Variants in CHD6 observed in about 807,000 individuals in gnomAD.
CHD6 encodes chromodomain helicase DNA binding protein 6, also known as ATP-dependent chromatin remodeler CHD6.
A neutral mutation model predicts 276.9 loss-of-function variants in CHD6; 50 were observed. The ratio of observed to expected loss-of-function variants is 0.18; its 90% confidence interval spans 0.14 to 0.23. The LOEUF (loss-of-function observed/expected upper bound fraction) is 0.23. CHD6 is among the 10% of genes least tolerant of loss of function. CHD6 has a pLI of 1.00. For missense variants in CHD6, 2,564 were observed against 3,365.8 expected (o/e 0.76, Z 5.89); for synonymous variants, 1,173 against 1,229.3 (o/e 0.95, Z 0.96).
chr20:41,462,821 C>G (rs1166206737), intron 17 of CHD6, among the ~76,000 whole-genome samples: 1 of 152,178 alleles, frequency 6.6e-6, no homozygotes, highest in Non-Finnish European at 1.5e-5. Context: ...GTCTCTCTTT[C>G]TGTGTGTATT....
chr20:41,435,024 T>C (rs1388824229), intron 27 of CHD6, among the ~76,000 whole-genome samples: 3 of 152,182 alleles, frequency 2.0e-5, no homozygotes, highest in Non-Finnish European at 4.4e-5. Context: ...TAGAATGTGT[T>C]CTCTGATTAT....
chr20:41,558,909 T>G (rs1242475357), intron 1 of CHD6, among the ~76,000 whole-genome samples: 1 of 152,170 alleles, frequency 6.6e-6, no homozygotes, highest in African/African-American at 2.4e-5. Flanking sequence ...ACCAGGTACT[T>G]ATTACTCCCT....
At chr20:41,542,842 C>T (rs890071344) in intron 2 of CHD6, among the ~76,000 whole-genome samples, 11 of 149,938 alleles carry the variant, frequency 7.3e-5, no homozygotes, top group Admixed American at 2.0e-4. Flanking sequence ...CGGTGGCTCA[C>T]GCCTGTAATC....
At chr20:41,444,460 G>A (rs570253765) in intron 25 of CHD6, among the ~76,000 whole-genome samples, 2 of 152,344 alleles carry the variant, frequency 1.3e-5, no homozygotes, top group South Asian at 2.1e-4. Flanking sequence ...CTACCGGACA[G>A]CACCGCTTTA....
At chr20:41,430,716 A>G (rs1016337678) in intron 27 of CHD6, among the ~76,000 whole-genome samples, 2 of 152,216 alleles carry the variant, frequency 1.3e-5, no homozygotes, top group African/African-American at 4.8e-5. Context: ...AACTGGTTTG[A>G]AAAGAGTCAA....
Position 41,487,960 on chromosome 20 carries a change from G to C in CHD6, c.1858-152C>G. 4.2e-6 allele frequency: 3 copies of C among 707,996 alleles called. No homozygotes were observed. The South Asian group carries it at 5.8e-5, about 14-fold the overall frequency. The allele number at this position is 707,996 out of a possible 1,614,324, so 43.9% of individuals were successfully genotyped here. A position where few individuals can be genotyped will look rare whatever the true frequency, so the allele number is the denominator to read the frequency against. On this transcript the variant is annotated intron_variant, in intron 13 of 36. Coordinates refer to ENST00000373233, the MANE Select transcript of CHD6 (RefSeq NM_032221.5). The stretch of plus-strand genomic sequence containing the variant: ...GATAATATGCCATCATAGGGGTACA[G>C]TCAATAAACGAATCAACCTTCCTTT...
chr20:41,491,281 T>C (rs1016479280), intron 11 of CHD6, among the ~76,000 whole-genome samples: 1 of 149,172 alleles, frequency 6.7e-6, no homozygotes, highest in Non-Finnish European at 1.5e-5. Context: ...TAAAAGTTTT[T>C]GTATAGCTGT....
intron 3 of CHD6, among the ~76,000 whole-genome samples, chr20:41,532,259 C>T (rs1378690805): frequency 6.6e-6 from 1 of 152,182 alleles, no homozygotes; most frequent in Non-Finnish European, 1.5e-5. Context: ...ATTTCCTAAG[C>T]ACTTGTCAAT....
intron 16 of CHD6, 115 bp downstream of exon 16, chr20:41,483,194 T>A (rs549433209): frequency 7.4e-4 from 657 of 888,280 alleles, no homozygotes; most frequent in Non-Finnish European, 9.7e-4. Context: ...AGGAGATTCC[T>A]TTCCTCCGTT....
chr20:41,581,364 C>T (rs59465898), intron 1 of CHD6, among the ~76,000 whole-genome samples: 6,744 of 152,132 alleles, frequency 0.044, 470 homozygotes, highest in African/African-American at 0.15. Flanking sequence ...ACATGATAGG[C>T]CTGCCATAAT....
chr20:41,515,090 T>C, intron 3 of CHD6, 138 bp from the exon 4 acceptor site: 1 of 849,674 alleles, frequency 1.2e-6, no homozygotes, highest in East Asian at 2.4e-5. Context: ...AAGAGTTTCT[T>C]CCAAGAAATA....
chr20:41,420,813 T>C lies in CHD6; in HGVS notation c.5822A>G (p.Lys1941Arg), dbSNP rs2047163509. The stretch of plus-strand genomic sequence containing the variant: ...GCCATGCATCCACCTCTCCATGTGT[T>C]TGCAGTGGCACTGACAGGCTGCTGG... ...PAPAACQCHC[K>R]HMERWMHGLE... Residue 1941 changes from lysine to arginine, a missense_variant, in exon 31 of 37, where the codon AAA becomes AGA. Physicochemically the swap from Lys to Arg is conservative, Grantham distance 26. Transcript: ENST00000373233. The C allele has an allele frequency of 6.2e-7, 1 of 1,614,206 alleles. No homozygotes were observed. The highest frequency in any genetic ancestry group is 8.5e-7 in the Non-Finnish European group (1 of 1,180,038).
rs199910662 is a variant in CHD6, at chr20:41,404,544, T to C, written c.*49A>G. 1.2e-3 allele frequency: 1,821 copies of C among 1,464,022 alleles called. 1 individual carries two copies. Among genetic ancestry groups the C allele is most frequent in the Non-Finnish European group, 1.6e-3 (1,743 of 1,106,088 alleles). The allele number at this position is 1,464,022 out of a possible 1,614,324, so 90.7% of individuals were successfully genotyped here. ...AAGTGAGGGAAGTAACAAACCTTTA[T>C]GGGATAAGAAACTTACAAGTCACAA... On this transcript the variant is annotated 3_prime_UTR_variant, in exon 37 of 37. Coordinates refer to ENST00000373233, the MANE Select transcript of CHD6 (RefSeq NM_032221.5).
At chr20:41,501,759 G>C (rs535047934) in intron 5 of CHD6, among the ~76,000 whole-genome samples, 51 of 152,254 alleles carry the variant, frequency 3.3e-4, no homozygotes, top group South Asian at 8.3e-4. Context: ...AATTTTCTCA[G>C]TGATTGTAAA....
At chr20:41,438,686 CT>C (rs2047797329) in intron 26 of CHD6, among the ~76,000 whole-genome samples, 1 of 152,202 alleles carries the variant, frequency 6.6e-6, no homozygotes, top group Non-Finnish European at 1.5e-5. Flanking sequence ...AGATAAGCTC[CT>C]TGCTTTACCA....
chr20:41,579,175 G>A (rs56047054), intron 1 of CHD6, among the ~76,000 whole-genome samples: 5,322 of 141,580 alleles, frequency 0.038, 127 homozygotes, highest in Non-Finnish European at 0.056. Flanking sequence ...GGTGACTCAC[G>A]CCTGTAATCC....
At chr20:41,526,316 TAATA>T (rs2146034040) in intron 3 of CHD6, among the ~76,000 whole-genome samples, 1 of 152,286 alleles carries the variant, frequency 6.6e-6, no homozygotes, top group East Asian at 1.9e-4. Context: ...TTCTTTATTC[TAATA>T]AATGGTCACA....
chr20:41,584,738 A>G (rs1483959622), intron 1 of CHD6, among the ~76,000 whole-genome samples: 1 of 152,212 alleles, frequency 6.6e-6, no homozygotes, highest in African/African-American at 2.4e-5. Context: ...AACAAGGGAA[A>G]CCAGAAAATA....
intron 5 of CHD6, among the ~76,000 whole-genome samples, chr20:41,506,230 C>T (rs1353437185): frequency 6.6e-6 from 1 of 152,154 alleles, no homozygotes; most frequent in Non-Finnish European, 1.5e-5. Flanking sequence ...CAGAATGACC[C>T]TTTTTATTAT....
Sources: allele counts gnomAD v4.1 joint callset (sites outside exome capture counted in the v4.1 genomes callset), GRCh38; gene constraint gnomAD v4.1.1; transcripts MANE v1.5; gene names NCBI Gene and HGNC (gene_info 2026-07-23, HGNC 2026-07-21).